LETM1: variants seen among roughly 807,000 people sequenced by gnomAD.
LETM1 encodes mitochondrial proton/calcium exchanger protein.
A neutral mutation model predicts 74.5 loss-of-function variants in LETM1; 50 were observed. That is an observed-to-expected ratio of 0.67 (90% CI 0.53 to 0.85). The LOEUF (loss-of-function observed/expected upper bound fraction) is 0.85. Ranked by LOEUF, LETM1 falls within the 40% of genes least tolerant of loss-of-function variation. The pLI is 0.00. For synonymous variants in LETM1, 446 were observed against 407.1 expected (o/e 1.10, Z -1.15); for missense variants, 824 against 967.8 (o/e 0.85, Z 1.97).
rs747518535 is a variant in LETM1 at position 1,834,839 on chromosome 4, C to T, written c.876+6G>A. On this transcript the variant is annotated splice_donor_region_variant and intron_variant, in intron 5 of 13. Transcript: ENST00000302787. This position sits in a 1 kb window ranked among gnomAD's most constrained non-coding sequence, Gnocchi z 5.0. The stretch of plus-strand genomic sequence containing the variant: ...AGGTCACAGGGACTCAGACGTATCA[C>T]AGCACCTTCTGGAAAAACACAGAGA... 6.2e-7 allele frequency: 1 copy of T among 1,614,038 alleles called. No individual in the cohort carries two copies.
intron 2 of LETM1, among the ~76,000 whole-genome samples, chr4:1,847,674 A>C: frequency 6.6e-6 from 1 of 152,012 alleles, no homozygotes; most frequent in East Asian, 1.9e-4. Flanking sequence ...AAAATGCAAA[A>C]ATTAGCTGGG....
chr4:1,849,366 T>C (rs1712992532), intron 1 of LETM1, among the ~76,000 whole-genome samples, 157 bp from the exon 2 acceptor site: 3 of 152,148 alleles, frequency 2.0e-5, no homozygotes, highest in Non-Finnish European at 2.9e-5. Context: ...CTGGGTTTAA[T>C]TGATTCTCCT....
chr4:1,836,692 C>T lies in LETM1; in HGVS notation c.595-120G>A. 1 of 1,023,372 alleles carries T rather than the reference C, an allele frequency of 9.8e-7. No homozygotes were observed. Among genetic ancestry groups the T allele is most frequent in the Non-Finnish European group, 1.4e-6 (1 of 697,154 alleles). The allele number at this position is 1,023,372 out of a possible 1,614,324, so 63.4% of individuals were successfully genotyped here. A position where few individuals can be genotyped will look rare whatever the true frequency, so the allele number is the denominator to read the frequency against. On this transcript the variant is annotated intron_variant, in intron 3 of 13. Coordinates refer to ENST00000302787, the MANE Select transcript of LETM1 (RefSeq NM_012318.3). The surrounding 1 kb of genome is among the most constrained non-coding windows in gnomAD (Gnocchi z 5.8). ...AACCTCAGGCAGCGACTCACAGGAC[C>T]CACTGAGGACTCTAAGTTCCAGAAC...
intron 13 of LETM1, among the ~76,000 whole-genome samples, chr4:1,815,300 A>G (rs1711528925): frequency 6.6e-6 from 1 of 152,084 alleles, no homozygotes; most frequent in African/African-American, 2.4e-5. Flanking sequence ...GGCCCCCGGC[A>G]GGTGTGAAGT....
At position 1,812,347 on chromosome 4, in the gene LETM1, A is replaced by G. The variant is rs990636789; in HGVS notation, c.*2077T>C. On this transcript the variant is annotated 3_prime_UTR_variant, in exon 14 of 14. Transcript: ENST00000302787. ...ACCACTGCACTCCAGCCTGGGTGAC[A>G]GAGCGAGACTCTGTATCAAAAAAAA... is the stretch of plus-strand genomic sequence containing the variant. 5.7e-5 allele frequency: 8 copies of G among 139,454 alleles called. 1 individual carries two copies. In the Admixed American group the frequency reaches 6.0e-4, roughly 10 times the overall value. 8.6% of individuals were successfully genotyped at this position (139,454 alleles called of 1,614,324 possible).
chr4:1,828,270 C>T (rs1470654433), intron 6 of LETM1, among the ~76,000 whole-genome samples: 2 of 100,726 alleles, frequency 2.0e-5, no homozygotes, highest in Admixed American at 9.8e-5. Context: ...GCTGGCCGGG[C>T]GGGGGGCTGA....
At chr4:1,822,160 C>A (rs1445928101) in intron 10 of LETM1, 21 bp downstream of exon 10, 11 of 1,390,434 alleles carry the variant, frequency 7.9e-6, no homozygotes, top group Non-Finnish European at 1.0e-5. Flanking sequence ...GCCTCCAGGG[C>A]CCCAGAACCT....
chr4:1,825,687 G>C lies in LETM1; in HGVS notation c.1081-4C>G. On this transcript the variant is annotated splice_region_variant and splice_polypyrimidine_tract_variant and intron_variant, in intron 6 of 13. Transcript: ENST00000302787. ...CCACCCCTTCCTCAGCAATCAGCTA[G>C]AAAACAAAGCAGTGAATTATCATCT... The C allele has an allele frequency of 1.2e-6, 2 of 1,611,506 alleles. No individual in the cohort carries two copies. The highest frequency in any genetic ancestry group is 1.7e-6 in the Non-Finnish European group (2 of 1,178,488).
At chr4:1,830,035 G>C (rs981439435) in intron 6 of LETM1, among the ~76,000 whole-genome samples, 1 of 152,178 alleles carries the variant, frequency 6.6e-6, no homozygotes, top group African/African-American at 2.4e-5. Context: ...CTTTAACTGA[G>C]CCTGGGAAGT....
At chr4:1,843,103 C>T (rs758595530) in intron 2 of LETM1, 18 of 250,850 alleles carry the variant, frequency 7.2e-5, no homozygotes, top group African/African-American at 1.2e-4. Flanking sequence ...GCCCGAGCTC[C>T]GGAGCAGACT....
At chr4:1,853,667 G>A (rs775446292) in intron 1 of LETM1, among the ~76,000 whole-genome samples, 20 of 152,178 alleles carry the variant, frequency 1.3e-4, no homozygotes, top group African/African-American at 2.4e-4. Context: ...AATGGAGAAC[G>A]GGAGAGTAAA....
At chr4:1,818,031 T>C (rs1349910910) in intron 11 of LETM1, among the ~76,000 whole-genome samples, 1 of 152,204 alleles carries the variant, frequency 6.6e-6, no homozygotes, top group Non-Finnish European at 1.5e-5. Context: ...CCTCCTGCCT[T>C]GACCTCCCAA....
intron 6 of LETM1, among the ~76,000 whole-genome samples, chr4:1,830,263 G>A (rs1012874887): frequency 5.9e-5 from 9 of 152,094 alleles, no homozygotes; most frequent in Non-Finnish European, 1.5e-5. Context: ...TATCCATTCT[G>A]CTGTTGAGCC....
intron 3 of LETM1, among the ~76,000 whole-genome samples, chr4:1,837,863 T>C (rs1712512102): frequency 6.6e-6 from 1 of 151,116 alleles, no homozygotes; most frequent in Non-Finnish European, 1.5e-5. Flanking sequence ...CCACCACGCC[T>C]AGCTAATTTT....
rs563580337 is a variant in LETM1, at chr4:1,834,608, C to T, written c.876+237G>A. ...TGGACAGCTGCAGGGTGATGAGACA[C>T]AGACGCCCATAATTCTGAAGGCTGA... On this transcript the variant is annotated intron_variant, in intron 5 of 13. Transcript: ENST00000302787. The surrounding 1 kb of genome is among the most constrained non-coding windows in gnomAD (Gnocchi z 5.0). 8 of 1,350,924 alleles carry T rather than the reference C, an allele frequency of 5.9e-6. 1 individual carries two copies. The Admixed American group carries it at 2.3e-4, about 38-fold the overall frequency. 83.7% of individuals were successfully genotyped at this position (1,350,924 alleles called of 1,614,324 possible).
intron 9 of LETM1, 97 bp from the exon 10 acceptor site, chr4:1,822,409 G>A: frequency 7.8e-7 from 1 of 1,277,570 alleles, no homozygotes; most frequent in Non-Finnish European, 1.0e-6. Flanking sequence ...GGCCACACTG[G>A]GAGCAGGCCT....
At chr4:1,817,413 T>C (rs1293127614) in intron 11 of LETM1, among the ~76,000 whole-genome samples, 1 of 151,584 alleles carries the variant, frequency 6.6e-6, no homozygotes, top group Non-Finnish European at 1.5e-5. Flanking sequence ...AACAAAAAAT[T>C]AGCCAGGCGT....
intron 4 of LETM1, among the ~76,000 whole-genome samples, chr4:1,835,793 A>G (rs1712445649): frequency 6.6e-6 from 1 of 152,184 alleles, no homozygotes; most frequent in Non-Finnish European, 1.5e-5. Context: ...ATTTTAAAAT[A>G]CATTGAGCTG....
chr4:1,846,469 G>A (rs1577326591), intron 2 of LETM1: 1 of 152,272 alleles, frequency 6.6e-6, no homozygotes, highest in Non-Finnish European at 1.5e-5. Flanking sequence ...GTTTCACCAT[G>A]TTGGCTAGGC....
Sources: allele counts gnomAD v4.1 joint callset (sites outside exome capture counted in the v4.1 genomes callset), GRCh38; gene constraint gnomAD v4.1.1; non-coding constraint Gnocchi (gnomAD v3.1); transcripts MANE v1.5; gene names NCBI Gene and HGNC (gene_info 2026-07-23, HGNC 2026-07-21).